The following RYR2 variants were observed in gnomAD, a reference collection of about 807,000 sequenced individuals.
RYR2 encodes the protein ryanodine receptor 2, also known as cardiac muscle ryanodine receptor-calcium release channel.
RYR2 carries 227 observed loss-of-function variants against 601.1 expected under a neutral mutation model. That is an observed-to-expected ratio of 0.38 (90% confidence interval 0.34 to 0.42). RYR2 has a LOEUF of 0.42. Among genes scored for constraint, RYR2 ranks in the 10% least tolerant of loss-of-function variants. The probability of loss-of-function intolerance (pLI) is 1.00; values close to 1 mark genes in which losing one functional copy is unlikely to be tolerated. For synonymous variants in RYR2, 2,223 were observed against 2,175.1 expected, an observed-to-expected ratio of 1.02 and a Z score of -0.61; for missense variants, 4,646 against 6,156.5, an observed-to-expected ratio of 0.75 and a Z score of 8.21.
At chr1:237,401,853 A>G (rs920382338) in intron 10 of RYR2, among the ~76,000 whole-genome samples, 1 of 152,164 alleles carries the variant, frequency 6.6e-6, no homozygotes, top group African/African-American at 2.4e-5. Flanking sequence ...CCCACCATGA[A>G]CCACATCATT....
In RYR2 at chr1:237,792,236, C is replaced by T. The variant is rs377503418; in HGVS notation, c.13695C>T (p.Ser4565=). The change falls in exon 94 of 105, where the codon AGC becomes AGT. Residue 4565 remains serine (S), a synonymous_variant. Coordinates refer to ENST00000366574, the MANE Select transcript of RYR2 (RefSeq NM_001035.3). ...TTCACTATGTACTAGAGGAGAGCAGCGGCTACATGGAGCCCACGTTGCGTA... is the reference window on the plus strand; with the variant it reads ...TTCACTATGTACTAGAGGAGAGCAGTGGCTACATGGAGCCCACGTTGCGTA... ...IAVHYVLEES[S]GYMEPTLRIL... is the part of the protein sequence containing the mutation. 3.6e-5 allele frequency: 58 copies of T among 1,613,734 alleles called. No homozygotes were observed. The highest frequency in any genetic ancestry group is 2.0e-4 in the South Asian group (18 of 91,072).
rs763042123 is a variant in RYR2, at chr1:237,452,077, T to TTG, written c.1293-2286_1293-2285dup. On this transcript the variant is annotated intron_variant, in intron 14 of 104. Transcript: ENST00000366574. ...TGGGGTGGGGAATATATATAAAATTTTGTGTGTGTGTGTGTGTGTGTGTGT... is the reference window on the plus strand; with the variant it reads ...TGGGGTGGGGAATATATATAAAATTTTGTGTGTGTGTGTGTGTGTGTGTGTGT... 2.7e-3 allele frequency among the ~76,000 whole-genome samples: 203 copies of TTG among 74,534 alleles called. 1 individual carries two copies. The highest frequency in any genetic ancestry group is 3.8e-3 in the South Asian group (8 of 2,122). The allele number at this position is 74,534 out of a possible 152,430, so 48.9% of individuals were successfully genotyped here. A position where few individuals can be genotyped will look rare whatever the true frequency, so the allele number is the denominator to read the frequency against.
intron 99 of RYR2, among the ~76,000 whole-genome samples, chr1:237,806,695 G>A (rs1224276087): frequency 6.6e-6 from 1 of 152,192 alleles, no homozygotes; most frequent in East Asian, 1.9e-4. Flanking sequence ...CATTGTATTC[G>A]TTGTAAAATA....
chr1:237,826,241 A>C (rs185201620), intron 101 of RYR2, among the ~76,000 whole-genome samples: 68 of 152,314 alleles, frequency 4.5e-4, no homozygotes, highest in Non-Finnish European at 8.4e-4. Flanking sequence ...CACTGTTCAC[A>C]ATAGCAAAGA....
intron 1 of RYR2, among the ~76,000 whole-genome samples, chr1:237,097,519 A>G (rs1020978182): frequency 1.3e-5 from 2 of 152,218 alleles, no homozygotes; most frequent in African/African-American, 4.8e-5. Flanking sequence ...GGTCTCTGGT[A>G]TATTTACAAA....
chr1:237,652,247 A>T (rs944801381), intron 51 of RYR2, among the ~76,000 whole-genome samples: 1 of 152,240 alleles, frequency 6.6e-6, no homozygotes. Flanking sequence ...ATGCAATTAT[A>T]GTTTGTCACA....
rs945211910 is a variant in RYR2, at chr1:237,042,468, G to C, written c.-54G>C. 8.1e-7 allele frequency: 1 copy of C among 1,238,516 alleles called. No individual in the cohort carries two copies. Among genetic ancestry groups the C allele is most frequent in the East Asian group, 3.2e-5 (1 of 31,200 alleles). 76.7% of individuals were successfully genotyped at this position (1,238,516 alleles called of 1,614,324 possible). ...GAAGGCAGCGCCAGGGGCCGCCGCC[G>C]CCGCCGAGCTCCGCGGGGCTCGGGA... On this transcript the variant is annotated 5_prime_UTR_variant, in exon 1 of 105. Transcript: ENST00000366574.
chr1:237,584,657 T>TTTTTTTTG (rs1674315043), intron 29 of RYR2, among the ~76,000 whole-genome samples: 2 of 135,602 alleles, frequency 1.5e-5, no homozygotes, highest in African/African-American at 5.5e-5. Context: ...CTGTTTTTTT[T>TTTTTTTTG]TTTTTTTTTT....
chr1:237,742,157 A>G, intron 79 of RYR2, 139 bp from the exon 80 acceptor site: 1 of 637,126 alleles, frequency 1.6e-6, no homozygotes. Context: ...TCATCTAAGC[A>G]TTCTATCTTA....
chr1:237,699,811 C>T (rs961240914), intron 64 of RYR2, among the ~76,000 whole-genome samples: 1 of 152,214 alleles, frequency 6.6e-6, no homozygotes, highest in Non-Finnish European at 1.5e-5. Flanking sequence ...CACCTTAAAA[C>T]ACAAACATTC....
chr1:237,540,538 C>T (rs546285775), intron 25 of RYR2, among the ~76,000 whole-genome samples: 2 of 152,090 alleles, frequency 1.3e-5, no homozygotes, highest in East Asian at 3.9e-4. Flanking sequence ...GAAACTCTGT[C>T]TCTACTAAAA....
intron 87 of RYR2, among the ~76,000 whole-genome samples, chr1:237,777,758 C>T (rs974711502): frequency 8.5e-5 from 13 of 152,314 alleles, no homozygotes; most frequent in African/African-American, 2.6e-4. Context: ...GGCACAATAA[C>T]ATCTTAACAA....
intron 1 of RYR2, among the ~76,000 whole-genome samples, chr1:237,134,447 C>CA (rs1213415501): frequency 6.6e-6 from 1 of 152,154 alleles, no homozygotes; most frequent in Non-Finnish European, 1.5e-5. Context: ...TGGCAGCAGG[C>CA]AAGAGAGAGC....
At chr1:237,314,329 G>A (rs1029749161) in intron 2 of RYR2, among the ~76,000 whole-genome samples, 1 of 152,094 alleles carries the variant, frequency 6.6e-6, no homozygotes, top group African/African-American at 2.4e-5. Flanking sequence ...CTCCCAAAGT[G>A]CTGGGATTAC....
intron 1 of RYR2, among the ~76,000 whole-genome samples, chr1:237,239,937 G>A (rs115570678): frequency 0.013 from 1,966 of 152,280 alleles, 23 homozygotes; most frequent in South Asian, 0.05. Context: ...CCAGCAGGGA[G>A]GGAAGAAGTT....
intron 8 of RYR2, among the ~76,000 whole-genome samples, chr1:237,384,761 A>G (rs1701831228): frequency 6.6e-6 from 1 of 152,150 alleles, no homozygotes; most frequent in Admixed American, 6.5e-5. Flanking sequence ...CCCCCAACCC[A>G]TGAGAAACTC....
intron 10 of RYR2, among the ~76,000 whole-genome samples, chr1:237,397,744 C>A (rs1379266859): frequency 7.0e-6 from 1 of 143,866 alleles, no homozygotes; most frequent in Non-Finnish European, 1.5e-5. Flanking sequence ...TTTTTTGAGA[C>A]AGAGTCTTGC....
chr1:237,196,039 C>G (rs1026988879), intron 1 of RYR2, among the ~76,000 whole-genome samples: 1 of 152,102 alleles, frequency 6.6e-6, no homozygotes, highest in Non-Finnish European at 1.5e-5. Context: ...GAAATTCATG[C>G]GACCTTTTAA....
chr1:237,667,875 C>A lies in RYR2; in HGVS notation c.8515-8C>A. On this transcript the variant is annotated splice_region_variant and splice_polypyrimidine_tract_variant and intron_variant, in intron 57 of 104. Coordinates refer to ENST00000366574, the MANE Select transcript of RYR2 (RefSeq NM_001035.3). ...TATTGAAACGATAAATATTTTTGTT[C>A]ATTTAAGGCTATGGCAGAAATGATG... 3 of 1,560,956 alleles carry A rather than the reference C, an allele frequency of 1.9e-6. No individual in the cohort carries two copies. In the South Asian group the frequency reaches 3.7e-5, roughly 19 times the overall value.
Sources: allele counts gnomAD v4.1 joint callset (sites outside exome capture counted in the v4.1 genomes callset), GRCh38; gene constraint gnomAD v4.1.1; transcripts MANE v1.5; gene names NCBI Gene and HGNC (gene_info 2026-07-23, HGNC 2026-07-21).